DDRGK1: variants seen among roughly 807,000 people sequenced by gnomAD.
DDRGK1 encodes DDRGK domain-containing protein 1.
DDRGK1 carries 38 observed loss-of-function variants against 45.8 expected under a neutral mutation model. The ratio of observed to expected loss-of-function variants is 0.83; its 90% confidence interval spans 0.64 to 1.09. DDRGK1 has a LOEUF of 1.09. Ranked by LOEUF, DDRGK1 falls within the 50% of genes least tolerant of loss-of-function variation. DDRGK1 has a pLI of 0.00. For synonymous variants in DDRGK1, 171 were observed against 168.7 expected, an observed-to-expected ratio of 1.01 and a Z score of -0.11; for missense variants, 403 against 419.9, an observed-to-expected ratio of 0.96 and a Z score of 0.35.
rs376127775 is a variant in DDRGK1 at position 3,196,488 on chromosome 20, T to A, written c.511-1135A>T. On this transcript the variant is annotated intron_variant, in intron 4 of 8. Coordinates refer to ENST00000354488, the MANE Select transcript of DDRGK1 (RefSeq NM_023935.3). ...GTCAGGAGATCGAGACCATCCTGGC[T>A]AACACGGTGAAACCCTGTCTCCACT... 1.4e-4 allele frequency among the ~76,000 whole-genome samples: 21 copies of A among 148,772 alleles called. No individual in the cohort carries two copies. In the South Asian group the frequency reaches 3.2e-3, roughly 23 times the overall value.
chr20:3,191,180 A>T lies in DDRGK1; in HGVS notation c.778+10T>A. 1.2e-6 allele frequency: 2 copies of T among 1,614,140 alleles called. No individual in the cohort carries two copies. The highest frequency in any genetic ancestry group is 1.7e-6 in the Non-Finnish European group (2 of 1,180,022). ...GCCAGGACTGCAGTGATTGGCTCTCATCATCTCACCTGTTATAGTCCCCTC... is the reference window on the plus strand; with the variant it reads ...GCCAGGACTGCAGTGATTGGCTCTCTTCATCTCACCTGTTATAGTCCCCTC... On this transcript the variant is annotated intron_variant, in intron 8 of 8. Coordinates refer to ENST00000354488, the MANE Select transcript of DDRGK1 (RefSeq NM_023935.3).
chr20:3,190,392 A>G lies in DDRGK1; in HGVS notation c.*261T>C, dbSNP rs550191369. ...ATTTTCTTGAATGAATGGATTCATA[A>G]TAAGAACAGGACTTCACCAGCTTCC... is the stretch of plus-strand genomic sequence containing the variant. On this transcript the variant is annotated 3_prime_UTR_variant, in exon 9 of 9. Transcript: ENST00000354488. 3.8e-5 allele frequency: 18 copies of G among 467,874 alleles called. 1 individual carries two copies. The South Asian group carries it at 7.0e-4, about 18-fold the overall frequency. 29.0% of individuals were successfully genotyped at this position (467,874 alleles called of 1,614,324 possible).
At chr20:3,196,625 G>A (rs2067011877) in intron 4 of DDRGK1, among the ~76,000 whole-genome samples, 1 of 152,136 alleles carries the variant, frequency 6.6e-6, no homozygotes, top group Non-Finnish European at 1.5e-5. Context: ...AGCTTGCAGT[G>A]AGCCGAGACT....
chr20:3,193,560 G>T (rs1356646073), intron 6 of DDRGK1, among the ~76,000 whole-genome samples: 1 of 152,072 alleles, frequency 6.6e-6, no homozygotes, highest in African/African-American at 2.4e-5. Context: ...TAGCAGAGAT[G>T]GGGTTTCAGC....
Position 3,204,615 on chromosome 20 carries a change from C to A in DDRGK1, c.13G>T (p.Val5Leu), listed in dbSNP as rs1373628566. MVAP[V>L]WYLVAAALLV... The stretch of plus-strand genomic sequence containing the variant: ...AGAGCCGCCGCTACCAAGTACCACA[C>A]AGGCGCCACCATGACGAGGGCCTCA... The change falls in exon 1 of 9, where the codon GTG (valine) becomes TTG (leucine). Residue 5 changes from valine to leucine, a missense_variant. Val to Leu is a conservative substitution (Grantham distance 32). Coordinates refer to ENST00000354488, the MANE Select transcript of DDRGK1 (RefSeq NM_023935.3). 3 of 1,588,326 alleles carry A rather than the reference C, an allele frequency of 1.9e-6. No individual in the cohort carries two copies. The South Asian group carries it at 3.4e-5, about 18-fold the overall frequency.
intron 2 of DDRGK1, among the ~76,000 whole-genome samples, chr20:3,202,580 G>A (rs2067044780): frequency 6.6e-6 from 1 of 152,208 alleles, no homozygotes. Context: ...AAGGGTCTCT[G>A]AACCCAAGTC....
At chr20:3,196,372 A>G (rs1481112607) in intron 4 of DDRGK1, among the ~76,000 whole-genome samples, 2 of 152,200 alleles carry the variant, frequency 1.3e-5, no homozygotes, top group Admixed American at 6.5e-5. Context: ...CAGAGCACTC[A>G]GAAAAATTTT....
At chr20:3,200,594 C>G in intron 2 of DDRGK1, 140 bp from the exon 3 acceptor site, 1 of 698,716 alleles carries the variant, frequency 1.4e-6, no homozygotes, top group Non-Finnish European at 2.4e-6. Context: ...GCTCTGCCCT[C>G]CAGAGGCATC....
intron 2 of DDRGK1, among the ~76,000 whole-genome samples, chr20:3,202,335 C>A (rs1299374384): frequency 3.3e-5 from 5 of 152,168 alleles, no homozygotes; most frequent in Admixed American, 3.3e-4. Context: ...CCAGAGTTCT[C>A]TGGCTTCTGT....
At chr20:3,195,177 C>A in intron 5 of DDRGK1, 54 bp downstream of exon 5, 1 of 1,611,934 alleles carries the variant, frequency 6.2e-7, no homozygotes, top group Non-Finnish European at 8.5e-7. Flanking sequence ...TTGCGTCTGG[C>A]ACAGGCTGCA....
chr20:3,200,616 CGT>C (rs138231795), intron 2 of DDRGK1, among the ~76,000 whole-genome samples, 162 bp from the exon 3 acceptor site: 1 of 151,972 alleles, frequency 6.6e-6, no homozygotes, highest in South Asian at 2.1e-4. Context: ...GCCATGAGTG[CGT>C]GTGTGTGTGT....
intron 2 of DDRGK1, among the ~76,000 whole-genome samples, chr20:3,200,685 TG>T (rs1437734119): frequency 1.3e-5 from 2 of 152,142 alleles, no homozygotes; most frequent in Admixed American, 1.3e-4. Context: ...AGGGAAAAGA[TG>T]AGAACTTTAG....
intron 2 of DDRGK1, among the ~76,000 whole-genome samples, chr20:3,202,612 G>A (rs2067044948): frequency 1.3e-5 from 2 of 152,186 alleles, no homozygotes; most frequent in African/African-American, 4.8e-5. Context: ...GTACGGCAAA[G>A]AAAGGGCCTC....
At chr20:3,199,442 C>T (rs541301887) in intron 4 of DDRGK1, among the ~76,000 whole-genome samples, 1 of 152,300 alleles carries the variant, frequency 6.6e-6, no homozygotes, top group South Asian at 2.1e-4. Context: ...ACAGGTCAGT[C>T]AGAGGTCACA....
intron 1 of DDRGK1, 53 bp downstream of exon 1, chr20:3,204,484 C>G: frequency 6.6e-7 from 1 of 1,522,114 alleles, no homozygotes; most frequent in Non-Finnish European, 8.8e-7. Context: ...CACAAAGGCT[C>G]AGAAGGCCAG....
intron 6 of DDRGK1, among the ~76,000 whole-genome samples, chr20:3,193,252 C>T (rs75358205): frequency 2.6e-5 from 4 of 151,998 alleles, no homozygotes. Context: ...AATCTTAAGG[C>T]AAAAAAGGTC....
intron 4 of DDRGK1, among the ~76,000 whole-genome samples, chr20:3,197,384 G>A (rs1232907994): frequency 2.0e-5 from 3 of 152,096 alleles, no homozygotes; most frequent in Admixed American, 6.6e-5. Context: ...AAAGAAATAC[G>A]GGAAGAGGGG....
intron 2 of DDRGK1, among the ~76,000 whole-genome samples, chr20:3,202,933 G>C (rs956008663): frequency 6.6e-6 from 1 of 152,172 alleles, no homozygotes; most frequent in Non-Finnish European, 1.5e-5. Context: ...GCCCATAACA[G>C]GAAGGGTGCG....
At chr20:3,204,027 T>C (rs1011067231) in intron 1 of DDRGK1, among the ~76,000 whole-genome samples, 5 of 152,004 alleles carry the variant, frequency 3.3e-5, no homozygotes, top group African/African-American at 1.2e-4. Flanking sequence ...GGGAGCGGAT[T>C]GGGGAGGGAG....
Sources: gnomAD v4.1 joint callset for allele counts (sites outside exome capture counted in the v4.1 genomes callset) on GRCh38, gnomAD v4.1.1 for gene constraint, MANE v1.5 for transcripts, NCBI Gene and HGNC (gene_info 2026-07-23, HGNC 2026-07-21) for gene names.